Variants in CDK13 observed in about 807,000 individuals in gnomAD.
CDK13 encodes cyclin dependent kinase 13.
CDK13 carries 40 observed loss-of-function variants against 137.6 expected under a neutral mutation model. The ratio of observed to expected loss-of-function variants is 0.29; its 90% CI spans 0.23 to 0.38. The LOEUF (loss-of-function observed/expected upper bound fraction) is 0.38. Among genes scored for constraint, CDK13 ranks in the 10% least tolerant of loss-of-function variants. The pLI, the probability that CDK13 is intolerant of heterozygous loss-of-function variation, is 1.00. For missense variants in CDK13, 1,704 were observed against 1,951.8 expected (o/e 0.87, Z 2.39); for synonymous variants, 869 against 760.1 (o/e 1.14, Z -2.36).
intron 6 of CDK13, 58 bp downstream of exon 6, chr7:40,046,083 G>GTAA: frequency 6.5e-6 from 7 of 1,078,260 alleles, no homozygotes; most frequent in Non-Finnish European, 8.2e-6. Flanking sequence ...CATGTACATG[G>GTAA]AGAGAATAGA....
rs1347364104 is a variant in CDK13, at chr7:40,096,845, AT to A, written c.*1866del. 7.9e-5 allele frequency: 12 copies of A among 152,284 alleles called. No homozygotes were observed. The highest frequency in any genetic ancestry group is 2.9e-4 in the African/African-American group (12 of 41,582). 9.4% of individuals were successfully genotyped at this position (152,284 alleles called of 1,614,324 possible). A position where few individuals can be genotyped will look rare whatever the true frequency, so the allele number is the denominator to read the frequency against. ...AGAAAGAAATGAATGGAAGAAAAAA[AT>A]ATGTTGCTTTTATTTGAATATTGAT... On this transcript the variant is annotated 3_prime_UTR_variant, in exon 14 of 14. Coordinates refer to ENST00000181839, the MANE Select transcript of CDK13 (RefSeq NM_003718.5).
intron 5 of CDK13, among the ~76,000 whole-genome samples, chr7:40,021,148 C>CACAT (rs1396552976): frequency 6.6e-6 from 1 of 151,154 alleles, no homozygotes; most frequent in East Asian, 2.0e-4. Flanking sequence ...CACACACACA[C>CACAT]ACATAAAGTT....
intron 11 of CDK13, among the ~76,000 whole-genome samples, chr7:40,079,659 A>G (rs577350116): frequency 2.4e-4 from 37 of 152,324 alleles, no homozygotes; most frequent in African/African-American, 8.7e-4. Context: ...AAATCTAGTA[A>G]AGGGTACAGC....
At chr7:40,004,952 G>T (rs563531653) in intron 5 of CDK13, among the ~76,000 whole-genome samples, 1 of 152,094 alleles carries the variant, frequency 6.6e-6, no homozygotes, top group South Asian at 2.1e-4. Context: ...TGGATCACCC[G>T]ACTGAGGTCA....
At chr7:40,091,074 G>C (rs1462545278) in intron 12 of CDK13, among the ~76,000 whole-genome samples, 2 of 152,186 alleles carry the variant, frequency 1.3e-5, no homozygotes, top group African/African-American at 4.8e-5. Context: ...GGCCGGGCAT[G>C]GTGGCTCACG....
At chr7:40,039,121 CT>C (rs1401282037) in intron 5 of CDK13, among the ~76,000 whole-genome samples, 3 of 152,024 alleles carry the variant, frequency 2.0e-5, no homozygotes, top group Non-Finnish European at 4.4e-5. Context: ...TTTTCTCCCC[CT>C]AATTTAGAGT....
chr7:40,046,727 G>A (rs1217940218), intron 6 of CDK13, among the ~76,000 whole-genome samples: 1 of 151,716 alleles, frequency 6.6e-6, no homozygotes, highest in Non-Finnish European at 1.5e-5. Context: ...TAGTGGCCGG[G>A]TGGGGCAGCT....
chr7:40,088,851 G>A (rs572870306), intron 12 of CDK13, among the ~76,000 whole-genome samples: 22 of 152,130 alleles, frequency 1.4e-4, no homozygotes, highest in African/African-American at 4.8e-4. Flanking sequence ...AGACTGAGGC[G>A]GATGGATCAC....
intron 7 of CDK13, among the ~76,000 whole-genome samples, chr7:40,057,658 C>T (rs1786050665): frequency 6.6e-6 from 1 of 152,142 alleles, no homozygotes; most frequent in African/African-American, 2.4e-5. Context: ...TAAAGAAGAA[C>T]AGAGATGCAT....
At chr7:40,066,267 G>C (rs1476497342) in intron 9 of CDK13, among the ~76,000 whole-genome samples, 1 of 152,128 alleles carries the variant, frequency 6.6e-6, no homozygotes, top group African/African-American at 2.4e-5. Flanking sequence ...TTAGAAACCA[G>C]TACTTGTAAT....
intron 9 of CDK13, among the ~76,000 whole-genome samples, chr7:40,077,018 T>C (rs1259748999): frequency 8.1e-5 from 3 of 37,006 alleles, no homozygotes; most frequent in African/African-American, 6.9e-4. Context: ...CCAGCTGGAG[T>C]TGCCTATTTG....
At position 40,085,632 on chromosome 7, in the gene CDK13, G is replaced by A. The variant is rs190535024; in HGVS notation, c.3030-2494G>A. On this transcript the variant is annotated intron_variant, in intron 11 of 13. Coordinates refer to ENST00000181839, the MANE Select transcript of CDK13 (RefSeq NM_003718.5). ...ACACTTAGAAAGGAAATTCTTTGGC[G>A]GGTTTATGATGCCTGAAAGCTTCCC... is the stretch of plus-strand genomic sequence containing the variant. The A allele has an allele frequency of 2.6e-5, 4 of 152,622 alleles. No homozygotes were observed. In the East Asian group the frequency reaches 5.8e-4, roughly 22 times the overall value. 9.5% of individuals were successfully genotyped at this position (152,622 alleles called of 1,614,324 possible). A position where few individuals can be genotyped will look rare whatever the true frequency, so the allele number is the denominator to read the frequency against.
rs1015324845 is a variant in CDK13, at chr7:39,992,175, T to C, written c.1871+3917T>C. On this transcript the variant is annotated intron_variant, in intron 2 of 13. Coordinates refer to ENST00000181839, the MANE Select transcript of CDK13 (RefSeq NM_003718.5). ...GAGAACTAATGAGGGTGTGTGTGTG[T>C]GTGTGTGTGTGTGTGTGTGTGTGTG... Among the ~76,000 whole-genome samples, 7 of 107,788 alleles carry C rather than the reference T, an allele frequency of 6.5e-5. 1 individual carries two copies. In the East Asian group the frequency reaches 1.4e-3, roughly 22 times the overall value. 70.7% of individuals were successfully genotyped at this position (107,788 alleles called of 152,430 possible). A position where few individuals can be genotyped will look rare whatever the true frequency, so the allele number is the denominator to read the frequency against.
rs1031936038 is a variant in CDK13, at chr7:39,958,554, G to A, written c.1211+6702G>A. Among the ~76,000 whole-genome samples, 3 of 152,058 alleles carry A rather than the reference G, an allele frequency of 2.0e-5. No individual in the cohort carries two copies. The South Asian group carries it at 6.2e-4, about 31-fold the overall frequency. Reference sequence around the variant, plus strand: ...AGGGATGTATGATTTTTCCATAAGCGGGAACATGTAACAATGCTGTCTTGT... The same window carrying A: ...AGGGATGTATGATTTTTCCATAAGCAGGAACATGTAACAATGCTGTCTTGT... On this transcript the variant is annotated intron_variant, in intron 1 of 13. Coordinates refer to ENST00000181839, the MANE Select transcript of CDK13 (RefSeq NM_003718.5).
At chr7:40,066,394 A>C (rs1420427350) in intron 9 of CDK13, among the ~76,000 whole-genome samples, 3 of 152,154 alleles carry the variant, frequency 2.0e-5, no homozygotes, top group African/African-American at 7.2e-5. Flanking sequence ...GTAAAGAAAA[A>C]CTGGCTTGAT....
At chr7:40,023,380 ATT>A (rs1785170531) in intron 5 of CDK13, among the ~76,000 whole-genome samples, 11 of 151,694 alleles carry the variant, frequency 7.3e-5, no homozygotes, top group Non-Finnish European at 5.9e-5. Context: ...CTGATTATAC[ATT>A]TTCATAAGGT....
rs2116268982 is a variant in CDK13, at chr7:39,988,175, G to A, written c.1788G>A (p.Lys596=). ...CACCAAGCATAGGAGCCAAGGAGAA[G>A]GAGCAACATGTAGCTTTAGTCACCT... ...PLTPSIGAKE[K]EQHVALVTST... is the part of the protein sequence containing the mutation. The change falls in exon 2 of 14, where the codon AAG becomes AAA. Residue 596 remains lysine, a synonymous_variant. Coordinates refer to ENST00000181839, the MANE Select transcript of CDK13 (RefSeq NM_003718.5). 1 of 1,614,080 alleles carries A rather than the reference G, an allele frequency of 6.2e-7. No homozygotes were observed. Among genetic ancestry groups the A allele is most frequent in the Non-Finnish European group, 8.5e-7 (1 of 1,179,990 alleles).
At chr7:40,052,537 C>T (rs919526989) in intron 7 of CDK13, among the ~76,000 whole-genome samples, 10 of 152,012 alleles carry the variant, frequency 6.6e-5, no homozygotes, top group Admixed American at 6.6e-4. Context: ...TAAACAATAA[C>T]CAGAAAGCAT....
In CDK13 at chr7:40,029,146, G is replaced by C. The variant is rs1050616030; in HGVS notation, c.2354-16690G>C. ...AGAATTTTAAAAAATTAAGAAAAAG[G>C]CTGGGCGTGGTGGCTCACACCTGTA... is the stretch of plus-strand genomic sequence containing the variant. On this transcript the variant is annotated intron_variant, in intron 5 of 13. Transcript: ENST00000181839. 2.0e-5 allele frequency among the ~76,000 whole-genome samples: 3 copies of C among 152,008 alleles called. No individual in the cohort carries two copies. The East Asian group carries it at 5.8e-4, about 29-fold the overall frequency.
Sources: gnomAD v4.1 joint callset for allele counts (sites outside exome capture counted in the v4.1 genomes callset) on GRCh38, gnomAD v4.1.1 for gene constraint, MANE v1.5 for transcripts, NCBI Gene and HGNC (gene_info 2026-07-23, HGNC 2026-07-21) for gene names.